The following CYP2U1 variants were observed in gnomAD, a reference collection of about 807,000 sequenced individuals.
CYP2U1 encodes the protein cytochrome P450 2U1.
In CYP2U1, 28 loss-of-function variants were observed where a neutral mutation model predicts 42.8. That is an observed-to-expected ratio of 0.65 (90% CI 0.48 to 0.90). The LOEUF (loss-of-function observed/expected upper bound fraction) is 0.90, where lower values mean the gene tolerates loss of function less well. Ranked by LOEUF, CYP2U1 falls within the 40% of genes least tolerant of loss-of-function variation. The probability of loss-of-function intolerance (pLI) is 0.00; values close to 1 mark genes in which losing one functional copy is unlikely to be tolerated. For synonymous variants in CYP2U1, 296 were observed against 278.9 expected, an observed-to-expected ratio of 1.06 and a Z score of -0.61; for missense variants, 642 against 693.8, an observed-to-expected ratio of 0.93 and a Z score of 0.84.
Position 107,942,195 on chromosome 4 carries a change from A to G in CYP2U1, c.491-2775A>G, listed in dbSNP as rs73838283. ...GTCTTGGTGGCCACATCCAGAGACAAACAGTCTCAGACTGGGGATGGGGCC... is the reference window on the plus strand; with the variant it reads ...GTCTTGGTGGCCACATCCAGAGACAGACAGTCTCAGACTGGGGATGGGGCC... On this transcript the variant is annotated intron_variant, in intron 1 of 4. Transcript: ENST00000332884. 2.2e-3 allele frequency among the ~76,000 whole-genome samples: 328 copies of G among 152,300 alleles called. 3 individuals are homozygous for G. Among genetic ancestry groups the G allele is most frequent in the African/African-American group, 7.6e-3 (317 of 41,564 alleles).
At position 107,939,843 on chromosome 4, in the gene CYP2U1, G is replaced by C. The variant is rs573825298; in HGVS notation, c.491-5127G>C. On this transcript the variant is annotated intron_variant, in intron 1 of 4. Transcript: ENST00000332884. Reference sequence around the variant, plus strand: ...ATCTAGAGAGCCTTGGCTGGGGGATGGGGGGTGGGGAAGAGATATGGCCTG... The same window carrying C: ...ATCTAGAGAGCCTTGGCTGGGGGATCGGGGGTGGGGAAGAGATATGGCCTG... 1.1e-3 allele frequency among the ~76,000 whole-genome samples: 165 copies of C among 152,174 alleles called. 2 individuals are homozygous for C. Among genetic ancestry groups the C allele is most frequent in the African/African-American group, 3.7e-3 (155 of 41,534 alleles).
At chr4:107,932,192 G>C in intron 1 of CYP2U1, 59 bp downstream of exon 1, 1 of 1,534,206 alleles carries the variant, frequency 6.5e-7, no homozygotes, top group South Asian at 1.3e-5. Flanking sequence ...CTCCAGGTGC[G>C]TGGGGGCTGC....
intron 1 of CYP2U1, chr4:107,938,873 AAGGAG>A (rs1733374547): frequency 6.6e-6 from 1 of 152,144 alleles, no homozygotes. Flanking sequence ...TATATTAAAT[AAGGAG>A]AGGGCCAGGC....
intron 1 of CYP2U1, among the ~76,000 whole-genome samples, chr4:107,942,634 G>C (rs1733538879): frequency 6.6e-6 from 1 of 152,162 alleles, no homozygotes; most frequent in South Asian, 2.1e-4. Context: ...CCCTATATAG[G>C]AAATGTGTAT....
intron 2 of CYP2U1, among the ~76,000 whole-genome samples, chr4:107,947,162 C>T (rs1733723965): frequency 1.3e-5 from 2 of 152,116 alleles, no homozygotes; most frequent in South Asian, 2.1e-4. Flanking sequence ...GTTACACTAT[C>T]CCACTTCTAA....
chr4:107,950,149 A>G (rs991278699), intron 4 of CYP2U1, 96 bp from the exon 5 acceptor site: 6 of 1,253,010 alleles, frequency 4.8e-6, no homozygotes, highest in Non-Finnish European at 6.6e-6. Flanking sequence ...TGCATTTAGA[A>G]TACTCAATTT....
chr4:107,944,839 C>CATACATATATATATATATATATAT, intron 1 of CYP2U1, 131 bp from the exon 2 acceptor site: 1 of 58,092 alleles, frequency 1.7e-5, no homozygotes, highest in Non-Finnish European at 2.9e-5. Context: ...TTTATATATA[C>CATACATATATATATATATATATAT]ATATATATAT....
intron 2 of CYP2U1, among the ~76,000 whole-genome samples, chr4:107,946,698 G>A (rs777274708): frequency 6.6e-5 from 10 of 152,146 alleles, no homozygotes; most frequent in Non-Finnish European, 1.5e-4. Context: ...TTCCAGTTTA[G>A]GGTTTCTCAT....
In CYP2U1 at chr4:107,945,560, TTGCTC is replaced by T; in HGVS notation, c.1084_1088del (p.Leu362ValfsTer17). Reference sequence around the variant, plus strand: ...TGGGACTGATACCACAACTAACTCTTTGCTCTGGTGCCTGCTGTATATGTCGCTGA... The same window carrying T: ...TGGGACTGATACCACAACTAACTCTTTGGTGCCTGCTGTATATGTCGCTGA... On this transcript the variant is annotated frameshift_variant, in exon 2 of 5. Transcript: ENST00000332884. LOFTEE classifies it high-confidence loss of function. The T allele has an allele frequency of 6.2e-7, 1 of 1,608,534 alleles. No homozygotes were observed. Among genetic ancestry groups the T allele is most frequent in the African/African-American group, 1.3e-5 (1 of 74,910 alleles).
chr4:107,933,504 T>C (rs1460045959), intron 1 of CYP2U1, among the ~76,000 whole-genome samples: 1 of 152,224 alleles, frequency 6.6e-6, no homozygotes, highest in Non-Finnish European at 1.5e-5. Flanking sequence ...TAAAGTATTA[T>C]GATCTTTATC....
At chr4:107,933,651 ACCT>A (rs1014992528) in intron 1 of CYP2U1, among the ~76,000 whole-genome samples, 71 of 152,224 alleles carry the variant, frequency 4.7e-4, no homozygotes, top group African/African-American at 1.6e-3. Flanking sequence ...TCCTTCCAGG[ACCT>A]CCTGCGAATA....
chr4:107,944,968 A>C lies in CYP2U1; in HGVS notation c.491-2A>C, dbSNP rs1733642706. 6.2e-7 allele frequency: 1 copy of C among 1,601,712 alleles called. No homozygotes were observed. On this transcript the variant is annotated splice_acceptor_variant, in intron 1 of 4. Transcript: ENST00000332884. LOFTEE classifies it high-confidence loss of function. ...TCTTCCTTTCTTGGTGTCCCTTTGCAGGGGTTGTGTTTGCACATTATGGTC... is the reference window on the plus strand; with the variant it reads ...TCTTCCTTTCTTGGTGTCCCTTTGCCGGGGTTGTGTTTGCACATTATGGTC...
At chr4:107,943,911 C>T (rs1438894978) in intron 1 of CYP2U1, among the ~76,000 whole-genome samples, 1 of 152,190 alleles carries the variant, frequency 6.6e-6, no homozygotes, top group Non-Finnish European at 1.5e-5. Context: ...TTTGATACAA[C>T]ATCTGGGAGC....
intron 3 of CYP2U1, among the ~76,000 whole-genome samples, chr4:107,948,813 G>C (rs907744122): frequency 2.8e-4 from 42 of 152,142 alleles, no homozygotes; most frequent in African/African-American, 9.4e-4. Context: ...CATGACATTG[G>C]ATCACTTAAC....
intron 1 of CYP2U1, chr4:107,940,885 A>C (rs1733468541): frequency 6.6e-6 from 1 of 152,204 alleles, no homozygotes; most frequent in African/African-American, 2.4e-5. Flanking sequence ...TAAGAGGACT[A>C]AACTTACTGG....
chr4:107,945,427 C>G lies in CYP2U1; in HGVS notation c.948C>G (p.Asp316Glu). ...QESLDRENPQ[D>E]FIDMYLLHME... Reference sequence around the variant, plus strand: ...CTCTGGATAGAGAGAACCCTCAGGACTTCATAGACATGTACCTTCTCCACA... The same window carrying G: ...CTCTGGATAGAGAGAACCCTCAGGAGTTCATAGACATGTACCTTCTCCACA... The change falls in exon 2 of 5, where the codon GAC (aspartate) becomes GAG (glutamate). Residue 316 changes from aspartate to glutamate, a missense_variant. Physicochemically the swap from Asp to Glu is conservative, Grantham distance 45. Transcript: ENST00000332884. The G allele has an allele frequency of 6.2e-7, 1 of 1,614,022 alleles. No individual in the cohort carries two copies. The highest frequency in any genetic ancestry group is 8.5e-7 in the Non-Finnish European group (1 of 1,179,988).
In CYP2U1 at chr4:107,943,983, T is replaced by C. The variant is rs372236162; in HGVS notation, c.491-987T>C. Among the ~76,000 whole-genome samples, 12 of 152,358 alleles carry C rather than the reference T, an allele frequency of 7.9e-5. No individual in the cohort carries two copies. In the East Asian group the frequency reaches 1.2e-3, roughly 15 times the overall value. On this transcript the variant is annotated intron_variant, in intron 1 of 4. Coordinates refer to ENST00000332884, the MANE Select transcript of CYP2U1 (RefSeq NM_183075.3). ...AAATCAAATAGGATGTAGTTGTGGA[T>C]GACCTTAACAAGTTCATATGTTTTA...
chr4:107,950,452 A>G lies in CYP2U1; in HGVS notation c.*29A>G, dbSNP rs1396666322. 2 of 1,581,678 alleles carry G rather than the reference A, an allele frequency of 1.3e-6. No homozygotes were observed. Among genetic ancestry groups the G allele is most frequent in the African/African-American group, 2.7e-5 (2 of 73,110 alleles). On this transcript the variant is annotated 3_prime_UTR_variant, in exon 5 of 5. Coordinates refer to ENST00000332884, the MANE Select transcript of CYP2U1 (RefSeq NM_183075.3). ...GCATCTCCAAGAAGAGATGGTAAAA[A>G]GATATATAAATACATATCCTTCTAA...
At chr4:107,942,319 A>G (rs963606663) in intron 1 of CYP2U1, among the ~76,000 whole-genome samples, 1 of 152,212 alleles carries the variant, frequency 6.6e-6, no homozygotes, top group African/African-American at 2.4e-5. Context: ...AATGCCTCCT[A>G]TGCTCTGTGG....
Sources: allele counts gnomAD v4.1 joint callset (sites outside exome capture counted in the v4.1 genomes callset), GRCh38; gene constraint gnomAD v4.1.1; transcripts MANE v1.5; gene names NCBI Gene and HGNC (gene_info 2026-07-23, HGNC 2026-07-21).